Variants in SYNE2 observed in about 807,000 individuals in gnomAD.
The protein encoded by SYNE2 is nesprin-2.
SYNE2 carries 431 observed loss-of-function variants against 856.3 expected under a neutral mutation model. The observed-to-expected ratio is 0.50, with a 90% CI of 0.47 to 0.55. The LOEUF (loss-of-function observed/expected upper bound fraction) is 0.55, where lower values mean the gene tolerates loss of function less well. SYNE2 is among the 20% of genes least tolerant of loss of function. The pLI is 0.00. For missense variants in SYNE2, 8,129 were observed against 8,023.2 expected (o/e 1.01, Z -0.50); for synonymous variants, 2,923 against 2,872.3 (o/e 1.02, Z -0.56).
At chr14:64,025,668 A>G (rs1328818700) in intron 41 of SYNE2, among the ~76,000 whole-genome samples, 3 of 152,230 alleles carry the variant, frequency 2.0e-5, no homozygotes, top group East Asian at 1.9e-4. Context: ...TCCGTCTTCA[A>G]TGAGTGCAGA....
At chr14:64,109,402 A>G in intron 65 of SYNE2, among the ~76,000 whole-genome samples, 1 of 152,084 alleles carries the variant, frequency 6.6e-6, no homozygotes, top group South Asian at 2.1e-4. Flanking sequence ...TGAGATAAAT[A>G]TTACTGTTAC....
chr14:64,167,142 T>G (rs931929986), intron 90 of SYNE2, 91 bp from the exon 91 acceptor site: 1 of 1,558,402 alleles, frequency 6.4e-7, no homozygotes, highest in African/African-American at 1.4e-5. Context: ...CAGGCCCCAG[T>G]TTTCCTTTAT....
chr14:64,130,143 A>G lies in SYNE2; in HGVS notation c.14235A>G (p.Gln4745=). 1.2e-6 allele frequency: 2 copies of G among 1,614,176 alleles called. No individual in the cohort carries two copies. The highest frequency in any genetic ancestry group is 2.2e-5 in the South Asian group (2 of 91,090). Residue 4745 remains glutamine (Q), a synonymous_variant, in exon 76 of 116, where the codon CAA becomes CAG. Coordinates refer to ENST00000555002, the MANE Select transcript of SYNE2 (RefSeq NM_182914.3). ...AGAGCCAGCAAGATGCTTTGTTGCA[A>G]GGCATGGTGGAACTGGTGAAGATTG... The part of the protein sequence containing the change: ...VTESQQDALL[Q]GMVELVKIGK...
At chr14:63,878,373 A>G (rs1204825461) in intron 1 of SYNE2, among the ~76,000 whole-genome samples, 1 of 152,102 alleles carries the variant, frequency 6.6e-6, no homozygotes, top group Non-Finnish European at 1.5e-5. Flanking sequence ...GGCAGTGAAC[A>G]CCTTTACAGG....
At chr14:64,047,509 T>C (rs996327304) in intron 45 of SYNE2, among the ~76,000 whole-genome samples, 1 of 152,206 alleles carries the variant, frequency 6.6e-6, no homozygotes, top group African/African-American at 2.4e-5. Flanking sequence ...TAAACTGTCT[T>C]TGGCATGGAG....
intron 113 of SYNE2, among the ~76,000 whole-genome samples, chr14:64,223,876 C>G (rs532647381): frequency 4.7e-4 from 72 of 152,274 alleles, no homozygotes; most frequent in Non-Finnish European, 7.6e-4. Flanking sequence ...ATGATCTCAT[C>G]ACCGACCTGT....
chr14:64,167,773 G>C (rs2098389057), intron 92 of SYNE2, 134 bp downstream of exon 92: 1 of 1,178,022 alleles, frequency 8.5e-7, no homozygotes, highest in African/African-American at 1.5e-5. Context: ...AGCAAATTCA[G>C]TTGTCAATTG....
At chr14:64,129,682 C>T (rs2097992361) in intron 74 of SYNE2, 100 bp from the exon 75 acceptor site, 11 of 1,547,444 alleles carry the variant, frequency 7.1e-6, no homozygotes, top group Middle Eastern at 2.3e-4. Context: ...TTTGCTTTTC[C>T]CTTCATCCCT....
chr14:63,899,058 AT>A (rs1371837809), intron 1 of SYNE2, among the ~76,000 whole-genome samples: 1 of 152,222 alleles, frequency 6.6e-6, no homozygotes, highest in African/African-American at 2.4e-5. Context: ...TGGCAGCACC[AT>A]TCTACTGTCT....
chr14:64,056,991 A>T (rs2097275960), intron 49 of SYNE2, among the ~76,000 whole-genome samples: 1 of 151,696 alleles, frequency 6.6e-6, no homozygotes. Context: ...TCTTTTTTTT[A>T]ATTTTTAATT....
chr14:64,084,051 A>G (rs2097542639), intron 57 of SYNE2, among the ~76,000 whole-genome samples: 2 of 151,758 alleles, frequency 1.3e-5, no homozygotes, highest in Admixed American at 6.6e-5. Context: ...CAGCTTCCCC[A>G]GTAGCTGAGA....
chr14:63,881,888 A>G (rs902693336), intron 1 of SYNE2, among the ~76,000 whole-genome samples: 2 of 152,192 alleles, frequency 1.3e-5, no homozygotes, highest in Non-Finnish European at 2.9e-5. Context: ...CAGATAGACT[A>G]TTGAATTATG....
At chr14:64,129,969 A>G in intron 75 of SYNE2, 68 bp downstream of exon 75, 1 of 1,613,682 alleles carries the variant, frequency 6.2e-7, no homozygotes, top group Non-Finnish European at 8.5e-7. Flanking sequence ...TTCTTCCACC[A>G]GCAGAGTTTA....
chr14:63,996,600 C>G (rs1445066303), intron 23 of SYNE2, among the ~76,000 whole-genome samples: 1 of 152,074 alleles, frequency 6.6e-6, no homozygotes, highest in African/African-American at 2.4e-5. Context: ...TAGAAATAAC[C>G]TCTCTCCCCT....
Position 63,990,480 on chromosome 14 carries a change from A to G in SYNE2, c.2383A>G (p.Ile795Val). ...ARSEDMLQMD[I>V]QNISSQESFQ... is the part of the protein sequence containing the mutation. Reference sequence around the variant, plus strand: ...AAGTGAAGATATGTTACAAATGGATATACAAAATATTTCAAGCCAGGAGTC... The same window carrying G: ...AAGTGAAGATATGTTACAAATGGATGTACAAAATATTTCAAGCCAGGAGTC... The change falls in exon 20 of 116, where the codon ATA becomes GTA. Residue 795 changes from isoleucine to valine, a missense_variant. By Grantham distance (29) the Ile-to-Val change is conservative (BLOSUM62 3). Coordinates refer to ENST00000555002, the MANE Select transcript of SYNE2 (RefSeq NM_182914.3). 1.2e-6 allele frequency: 2 copies of G among 1,613,790 alleles called. No homozygotes were observed. The highest frequency in any genetic ancestry group is 2.2e-5 in the South Asian group (2 of 91,068).
chr14:63,807,213 C>CT (rs1444909879), intron 1 of SYNE2, among the ~76,000 whole-genome samples: 1 of 151,984 alleles, frequency 6.6e-6, no homozygotes, highest in African/African-American at 2.4e-5. Context: ...TGGCATGTGC[C>CT]TGTAGTCCCA....
At chr14:64,063,621 T>C (rs1371322715) in intron 50 of SYNE2, among the ~76,000 whole-genome samples, 2 of 152,246 alleles carry the variant, frequency 1.3e-5, no homozygotes, top group Non-Finnish European at 2.9e-5. Context: ...GAGCTTTTGC[T>C]TATTTTTATC....
intron 1 of SYNE2, among the ~76,000 whole-genome samples, chr14:63,793,952 A>G (rs2139774995): frequency 6.6e-6 from 1 of 151,858 alleles, no homozygotes; most frequent in South Asian, 2.1e-4. Flanking sequence ...AAAAAAAAAG[A>G]AAAAAGAAAG....
At chr14:63,880,493 A>G (rs2094834069) in intron 1 of SYNE2, among the ~76,000 whole-genome samples, 1 of 151,512 alleles carries the variant, frequency 6.6e-6, no homozygotes, top group East Asian at 1.9e-4. Context: ...TATGTTAAGA[A>G]AAAAAGAATT....
Sources: gnomAD v4.1 joint callset for allele counts (sites outside exome capture counted in the v4.1 genomes callset) on GRCh38, gnomAD v4.1.1 for gene constraint, MANE v1.5 for transcripts, NCBI Gene and HGNC (gene_info 2026-07-23, HGNC 2026-07-21) for gene names.